Variants in DDX60L observed in about 807,000 individuals in gnomAD.
The protein encoded by DDX60L is DExD/H-box 60 like.
In DDX60L, 191 loss-of-function variants were observed where a neutral mutation model predicts 211.6. That is an observed-to-expected ratio of 0.90 (90% CI 0.80 to 1.02). DDX60L has a LOEUF of 1.02. Among genes scored for constraint, DDX60L ranks in the 50% least tolerant of loss-of-function variants. The pLI, the probability that DDX60L is intolerant of heterozygous loss-of-function variation, is 0.00. For missense variants in DDX60L, 2,007 were observed against 1,984.1 expected, an observed-to-expected ratio of 1.01 and a Z score of -0.22; for synonymous variants, 706 against 694.1, an observed-to-expected ratio of 1.02 and a Z score of -0.27.
At chr4:168,442,838 A>C (rs1432724344) in intron 9 of DDX60L, among the ~76,000 whole-genome samples, 2 of 151,284 alleles carry the variant, frequency 1.3e-5, no homozygotes, top group Non-Finnish European at 3.0e-5. Flanking sequence ...AAGGAAAACT[A>C]ACAAACAGAA....
At position 168,416,671 on chromosome 4, in the gene DDX60L, C is replaced by A; in HGVS notation, c.2726+11G>T. 2 of 1,538,302 alleles carry A rather than the reference C, an allele frequency of 1.3e-6. No individual in the cohort carries two copies. The highest frequency in any genetic ancestry group is 1.2e-5 in the South Asian group (1 of 83,786). On this transcript the variant is annotated intron_variant, in intron 20 of 37. Coordinates refer to ENST00000682922, the MANE Select transcript of DDX60L (RefSeq NM_001012967.3). ...GAATATATAACAACCACTCTTTTTACCTATACCTACTTGGTGAGAAGATTT... is the reference window on the plus strand; with the variant it reads ...GAATATATAACAACCACTCTTTTTAACTATACCTACTTGGTGAGAAGATTT...
chr4:168,403,225 T>C (rs2149786006), intron 25 of DDX60L, among the ~76,000 whole-genome samples: 1 of 152,374 alleles, frequency 6.6e-6, no homozygotes, highest in Middle Eastern at 3.4e-3. Flanking sequence ...CATCTTTTGG[T>C]TACTGACCAC....
intron 9 of DDX60L, among the ~76,000 whole-genome samples, chr4:168,445,354 C>G (rs1754606310): frequency 7.0e-6 from 1 of 142,080 alleles, no homozygotes; most frequent in Non-Finnish European, 1.6e-5. Context: ...CTGAATAGAC[C>G]AATAACAGGA....
chr4:168,396,216 T>G (rs1014242915), intron 26 of DDX60L, 92 bp from the exon 27 acceptor site: 1 of 733,682 alleles, frequency 1.4e-6, no homozygotes, highest in Non-Finnish European at 2.1e-6. Context: ...TTTCCCTTGG[T>G]CATCCGACGT....
Position 168,461,746 on chromosome 4 carries a change from C to T in DDX60L, c.559G>A (p.Ala187Thr). Reference protein sequence around the residue: ...GHESDTLRFYAYTMESTDRNQ... With the variant: ...GHESDTLRFYTYTMESTDRNQ... ...CTGTCTGTGCTTTCCATAGTATATG[C>T]ATAAAATCTGAGAGTATCAGATTCA... Residue 187 changes from alanine to threonine, a missense_variant, in exon 5 of 38, where the codon GCA becomes ACA. Physicochemically the swap from Ala to Thr is moderately conservative, Grantham distance 58 (BLOSUM62 0). Transcript: ENST00000682922. 1 of 1,599,466 alleles carries T rather than the reference C, an allele frequency of 6.3e-7. No individual in the cohort carries two copies. Among genetic ancestry groups the T allele is most frequent in the South Asian group, 1.1e-5 (1 of 88,866 alleles).
chr4:168,384,944 G>A (rs1262840366), intron 29 of DDX60L, 132 bp from the exon 30 acceptor site: 2 of 912,944 alleles, frequency 2.2e-6, no homozygotes, highest in Non-Finnish European at 3.3e-6. Context: ...ACTAATCTAT[G>A]TTAACATGGC....
intron 10 of DDX60L, among the ~76,000 whole-genome samples, chr4:168,440,705 T>C (rs1424973336): frequency 6.6e-6 from 1 of 152,222 alleles, no homozygotes. Context: ...TGGGTTGGTC[T>C]GTTAATCATT....
chr4:168,464,069 G>C (rs1275011945), intron 4 of DDX60L, among the ~76,000 whole-genome samples: 1 of 152,108 alleles, frequency 6.6e-6, no homozygotes, highest in Admixed American at 6.5e-5. Context: ...AAAGAAAGAT[G>C]GTTGAGGGAA....
Position 168,403,990 on chromosome 4 carries a change from T to A in DDX60L, c.3330A>T (p.Ile1110=). The change falls in exon 25 of 38, where the codon ATA becomes ATT. Residue 1110 remains isoleucine (I), a synonymous_variant. Transcript: ENST00000682922. The stretch of plus-strand genomic sequence containing the variant: ...AAGTTTCAGTTACTTACAAAAAAAA[T>A]ATTGCAGGCAACTTATCCATTTGTC... The part of the protein sequence containing the change: ...KLRQMDKLPA[I]FFLFKNDDVG... 1 of 1,459,154 alleles carries A rather than the reference T, an allele frequency of 6.9e-7. No homozygotes were observed. The allele number at this position is 1,459,154 out of a possible 1,614,324, so 90.4% of individuals were successfully genotyped here. A position where few individuals can be genotyped will look rare whatever the true frequency, so the allele number is the denominator to read the frequency against.
intron 22 of DDX60L, among the ~76,000 whole-genome samples, chr4:168,412,496 C>T (rs1748851437): frequency 6.6e-6 from 1 of 151,974 alleles, no homozygotes. Context: ...CAGAGAGAGA[C>T]TCCTCTACTT....
chr4:168,450,327 C>T (rs920788572), intron 8 of DDX60L, among the ~76,000 whole-genome samples: 1 of 152,084 alleles, frequency 6.6e-6, no homozygotes, highest in Non-Finnish European at 1.5e-5. Context: ...ACAGCTTCAA[C>T]GCCCTATGAT....
At position 168,462,152 on chromosome 4, in the gene DDX60L, T is replaced by C. The variant is rs796891763; in HGVS notation, c.265-112A>G. ...ACAGGACTGAACTCATGTGATCTAA[T>C]TGTTTTGCTCAAGGGCCTTAAACTT... On this transcript the variant is annotated intron_variant, in intron 4 of 37. Coordinates refer to ENST00000682922, the MANE Select transcript of DDX60L (RefSeq NM_001012967.3). The C allele has an allele frequency of 1.6e-4, 126 of 805,022 alleles. 1 individual carries two copies. The African/African-American group carries it at 1.8e-3, about 11-fold the overall frequency. 49.9% of individuals were successfully genotyped at this position (805,022 alleles called of 1,614,324 possible). A position where few individuals can be genotyped will look rare whatever the true frequency, so the allele number is the denominator to read the frequency against.
In DDX60L at chr4:168,456,157, C is replaced by T; in HGVS notation, c.724-5G>A. 6.6e-7 allele frequency: 1 copy of T among 1,509,588 alleles called. No homozygotes were observed. Among genetic ancestry groups the T allele is most frequent in the Non-Finnish European group, 8.8e-7 (1 of 1,131,212 alleles). The allele number at this position is 1,509,588 out of a possible 1,614,324, so 93.5% of individuals were successfully genotyped here. ...CAGAAATAGAGTCTGATACGCCTATCAAAAAAGAAATTTCTTCAAATGTCA... is the reference window on the plus strand; with the variant it reads ...CAGAAATAGAGTCTGATACGCCTATTAAAAAAGAAATTTCTTCAAATGTCA... On this transcript the variant is annotated splice_polypyrimidine_tract_variant and splice_region_variant and intron_variant, in intron 6 of 37. Coordinates refer to ENST00000682922, the MANE Select transcript of DDX60L (RefSeq NM_001012967.3).
intron 29 of DDX60L, among the ~76,000 whole-genome samples, chr4:168,386,213 G>T (rs1299384691): frequency 6.6e-6 from 1 of 152,108 alleles, no homozygotes; most frequent in African/African-American, 2.4e-5. Flanking sequence ...CAAACGGCTG[G>T]AAGCGGGGAA....
At chr4:168,468,638 T>G (rs887554350) in intron 4 of DDX60L, 1 of 152,090 alleles carries the variant, frequency 6.6e-6, no homozygotes, top group Non-Finnish European at 1.5e-5. Flanking sequence ...CCAATCACTG[T>G]AATAAGGCAA....
chr4:168,446,996 A>G (rs1045784192), intron 9 of DDX60L, among the ~76,000 whole-genome samples: 8 of 128,406 alleles, frequency 6.2e-5, no homozygotes, highest in African/African-American at 2.3e-4. Flanking sequence ...CTAAAACACC[A>G]AAAGCAATGG....
intron 1 of DDX60L, among the ~76,000 whole-genome samples, chr4:168,477,181 C>A (rs1365006832): frequency 6.6e-6 from 1 of 152,026 alleles, no homozygotes; most frequent in Admixed American, 6.6e-5. Context: ...TTTGGGAGGC[C>A]AAGGCGGACG....
intron 1 of DDX60L, among the ~76,000 whole-genome samples, chr4:168,477,828 A>G (rs1759791560): frequency 6.6e-6 from 1 of 152,244 alleles, no homozygotes; most frequent in Non-Finnish European, 1.5e-5. Context: ...TTGATGGTCA[A>G]TGTCTATAGT....
At chr4:168,397,546 T>C (rs1300590276) in intron 26 of DDX60L, among the ~76,000 whole-genome samples, 1 of 152,216 alleles carries the variant, frequency 6.6e-6, no homozygotes, top group African/African-American at 2.4e-5. Context: ...AGCAGATTTA[T>C]GAGCTAACAG....
Sources: gnomAD v4.1 joint callset for allele counts (sites outside exome capture counted in the v4.1 genomes callset) on GRCh38, gnomAD v4.1.1 for gene constraint, MANE v1.5 for transcripts, NCBI Gene and HGNC (gene_info 2026-07-23, HGNC 2026-07-21) for gene names.